The following NAAA variants were observed in gnomAD, a reference collection of about 807,000 sequenced individuals.
The protein encoded by NAAA is N-acylethanolamine-hydrolyzing acid amidase.
In NAAA, 39 loss-of-function variants were observed where a neutral mutation model predicts 44.8. That is an observed-to-expected ratio of 0.87 (90% CI 0.67 to 1.14). NAAA has a LOEUF of 1.14. Ranked by LOEUF, NAAA falls within the 50% of genes most tolerant of loss-of-function variation. The pLI is 0.00. For missense variants in NAAA, 460 were observed against 467.8 expected (o/e 0.98, Z 0.15); for synonymous variants, 178 against 191.3 (o/e 0.93, Z 0.58).
At chr4:75,924,323 C>T (rs975320557) in intron 5 of NAAA, among the ~76,000 whole-genome samples, 9 of 152,214 alleles carry the variant, frequency 5.9e-5, no homozygotes, top group African/African-American at 2.2e-4. Flanking sequence ...GTACGATAAG[C>T]GTTCCTTGAA....
chr4:75,911,346 C>A, downstream of NAAA: 1 of 506,748 alleles, frequency 2.0e-6, no homozygotes, highest in African/African-American at 2.0e-5. Context: ...ATGGGTTCTT[C>A]TTGCTCACTG....
chr4:75,923,429 T>C (rs889561033), intron 5 of NAAA, among the ~76,000 whole-genome samples: 7 of 151,980 alleles, frequency 4.6e-5, no homozygotes, highest in African/African-American at 1.7e-4. Flanking sequence ...GCTGCAAACA[T>C]AGACAAGCAA....
rs1560508661 is a variant in NAAA, at chr4:75,925,814, G to A, written c.590-3C>T. 6.2e-7 allele frequency: 1 copy of A among 1,613,834 alleles called. No individual in the cohort carries two copies. Among genetic ancestry groups the A allele is most frequent in the Non-Finnish European group, 8.5e-7 (1 of 1,179,808 alleles). On this transcript the variant is annotated splice_polypyrimidine_tract_variant and splice_region_variant and intron_variant, in intron 4 of 10. Coordinates refer to ENST00000286733, the MANE Select transcript of NAAA (RefSeq NM_014435.4). ...ATTCTCCCACCACCAGCCTTTATCT[G>A]CCAAGTTGAGTATATATGTTATATA...
intron 1 of NAAA, 112 bp downstream of exon 1, chr4:75,940,632 A>G: frequency 8.2e-7 from 1 of 1,219,506 alleles, no homozygotes; most frequent in Non-Finnish European, 1.1e-6. Flanking sequence ...CCAGTTCTCC[A>G]AGGGTGGCGG....
intron 5 of NAAA, among the ~76,000 whole-genome samples, chr4:75,922,069 T>A (rs991778344): frequency 1.3e-5 from 2 of 152,130 alleles, no homozygotes; most frequent in African/African-American, 4.8e-5. Context: ...TGCTCACCCA[T>A]CCTGGATATT....
chr4:75,929,081 C>T (rs1220890067), intron 4 of NAAA, among the ~76,000 whole-genome samples: 2 of 152,078 alleles, frequency 1.3e-5, no homozygotes, highest in Non-Finnish European at 2.9e-5. Flanking sequence ...CATGATCCAC[C>T]GCGCCCGGCC....
Position 75,918,763 on chromosome 4 carries a change from G to C in NAAA, c.996C>G (p.Asn332Lys), listed in dbSNP as rs1317169122. ...GACATGTTTAACAAGCCACTTACTT[G>C]TTATAAACTGGAACCACCGACAAAA... ...FQILSVVPVYNNFTIYTTVMS... is the reference protein window; with the variant it reads ...FQILSVVPVYKNFTIYTTVMS... The change falls in exon 9 of 11, where the codon AAC (asparagine) becomes AAG (lysine). Residue 332 changes from asparagine to lysine, a missense_variant and splice_region_variant. Asn to Lys is a moderately conservative substitution (Grantham distance 94, BLOSUM62 0). Transcript: ENST00000286733. The C allele has an allele frequency of 3.1e-6, 5 of 1,613,050 alleles. No individual in the cohort carries two copies. The highest frequency in any genetic ancestry group is 4.2e-6 in the Non-Finnish European group (5 of 1,179,188).
chr4:75,931,528 A>G (rs1234456112), intron 3 of NAAA, among the ~76,000 whole-genome samples: 1 of 151,548 alleles, frequency 6.6e-6, no homozygotes, highest in East Asian at 1.9e-4. Flanking sequence ...CTTGGATGGG[A>G]AAAAAAAAGA....
intron 4 of NAAA, chr4:75,930,574 T>C: frequency 2.1e-6 from 1 of 471,828 alleles, no homozygotes; most frequent in Non-Finnish European, 4.2e-6. Flanking sequence ...CCCTAGATTA[T>C]CACAGTAGTT....
intron 4 of NAAA, among the ~76,000 whole-genome samples, chr4:75,926,887 C>T (rs528907137): frequency 1.3e-5 from 2 of 152,106 alleles, no homozygotes; most frequent in African/African-American, 4.8e-5. Context: ...GCCTGTAGTC[C>T]CAGCTTCTGG....
At chr4:75,919,723 C>T (rs1725968395) in intron 8 of NAAA, 186 bp downstream of exon 8, 3 of 620,256 alleles carry the variant, frequency 4.8e-6, no homozygotes, top group Non-Finnish European at 8.5e-6. Context: ...CGTGATCTGC[C>T]TGCCTAGGCC....
chr4:75,928,025 C>A (rs1356669620), intron 4 of NAAA, among the ~76,000 whole-genome samples: 1 of 152,206 alleles, frequency 6.6e-6, no homozygotes, highest in Non-Finnish European at 1.5e-5. Flanking sequence ...CCCACTCTAG[C>A]AATTTTGAAA....
chr4:75,939,516 A>C (rs1309969547), intron 2 of NAAA, among the ~76,000 whole-genome samples: 2 of 151,314 alleles, frequency 1.3e-5, no homozygotes, highest in Non-Finnish European at 2.9e-5. Flanking sequence ...CCCGGGTTCA[A>C]GTGATTCTCC....
chr4:75,928,832 T>G (rs1011869907), intron 4 of NAAA, among the ~76,000 whole-genome samples: 1 of 151,450 alleles, frequency 6.6e-6, no homozygotes, highest in African/African-American at 2.4e-5. Flanking sequence ...CTGTCGCCCA[T>G]GCTGGAGTGC....
Position 75,913,904 on chromosome 4 carries a change from T to G in NAAA, c.*471A>C, listed in dbSNP as rs1377124237. On this transcript the variant is annotated 3_prime_UTR_variant, in exon 11 of 11. Transcript: ENST00000286733. Reference sequence around the variant, plus strand: ...AGACTAACACACATTCAAACAGGCTTGGTTCGAAATAGAGTTCTCCATTTC... The same window carrying G: ...AGACTAACACACATTCAAACAGGCTGGGTTCGAAATAGAGTTCTCCATTTC... 1.0e-6 allele frequency: 1 copy of G among 985,270 alleles called. No individual in the cohort carries two copies. Among genetic ancestry groups the G allele is most frequent in the Non-Finnish European group, 1.2e-6 (1 of 829,918 alleles). 61.0% of individuals were successfully genotyped at this position (985,270 alleles called of 1,614,324 possible).
Position 75,940,866 on chromosome 4 carries a change from G to C in NAAA, c.84C>G (p.Ala28=). 2 of 1,576,078 alleles carry C rather than the reference G, an allele frequency of 1.3e-6. No individual in the cohort carries two copies. The highest frequency in any genetic ancestry group is 1.7e-6 in the Non-Finnish European group (2 of 1,170,606). Residue 28 remains alanine, a synonymous_variant, in exon 1 of 11, where the codon GCC becomes GCG. Transcript: ENST00000286733. ...LLLAGAGLSA[A]SPPAAPRFNV... is the part of the protein sequence containing the mutation. Reference sequence around the variant, plus strand: ...TGAAGCGCGGCGCTGCTGGGGGCGAGGCGGCTGACAGCCCGGCCCCGGCCA... The same window carrying C: ...TGAAGCGCGGCGCTGCTGGGGGCGACGCGGCTGACAGCCCGGCCCCGGCCA...
intron 4 of NAAA, among the ~76,000 whole-genome samples, chr4:75,928,730 G>C (rs960670572): frequency 6.6e-6 from 1 of 151,904 alleles, no homozygotes; most frequent in African/African-American, 2.4e-5. Flanking sequence ...AGGGACTGCT[G>C]TATTTCATAT....
Position 75,914,133 on chromosome 4 carries a change from C to T in NAAA, c.*242G>A, listed in dbSNP as rs1004775145. On this transcript the variant is annotated 3_prime_UTR_variant, in exon 11 of 11. Transcript: ENST00000286733. ...GCCAGGATAGAAGCTTAGAGAGGAT[C>T]GAGGCAAACCATGAAGGGAAGGGAA... The T allele has an allele frequency of 5.1e-6, 5 of 985,436 alleles. No individual in the cohort carries two copies. Among genetic ancestry groups the T allele is most frequent in the Non-Finnish European group, 3.6e-6 (3 of 829,936 alleles). 61.0% of individuals were successfully genotyped at this position (985,436 alleles called of 1,614,324 possible). A position where few individuals can be genotyped will look rare whatever the true frequency, so the allele number is the denominator to read the frequency against.
At chr4:75,932,090 G>A (rs936844361) in intron 3 of NAAA, among the ~76,000 whole-genome samples, 6 of 152,172 alleles carry the variant, frequency 3.9e-5, no homozygotes, top group African/African-American at 2.4e-5. Flanking sequence ...TTAGCCGGGC[G>A]TGGTGGCACA....
Sources: allele counts gnomAD v4.1 joint callset (sites outside exome capture counted in the v4.1 genomes callset), GRCh38; gene constraint gnomAD v4.1.1; transcripts MANE v1.5; gene names NCBI Gene and HGNC (gene_info 2026-07-23, HGNC 2026-07-21).